DLGAP4: variants seen among roughly 807,000 people sequenced by gnomAD.
DLGAP4 encodes the protein disks large-associated protein 4.
In DLGAP4, 18 loss-of-function variants were observed where a neutral mutation model predicts 86.9. The ratio of observed to expected loss-of-function variants is 0.21; its 90% CI spans 0.14 to 0.31. The LOEUF (loss-of-function observed/expected upper bound fraction) is 0.31, where lower values mean the gene tolerates loss of function less well. Among genes scored for constraint, DLGAP4 ranks in the 10% least tolerant of loss-of-function variants. The pLI, the probability that DLGAP4 is intolerant of heterozygous loss-of-function variation, is 1.00. For missense variants in DLGAP4, 1,085 were observed against 1,362.6 expected (o/e 0.80, Z 3.21); for synonymous variants, 548 against 574.3 (o/e 0.95, Z 0.65).
intron 7 of DLGAP4, among the ~76,000 whole-genome samples, chr20:36,459,315 G>A (rs2033962127): frequency 1.3e-5 from 2 of 152,284 alleles, no homozygotes; most frequent in South Asian, 4.1e-4. Context: ...CTCAAATTTG[G>A]TAAAATACAA....
rs140380651 is a variant in DLGAP4, at chr20:36,432,511, C to G, written c.794C>G (p.Thr265Ser). 390 of 1,613,064 alleles carry G rather than the reference C, an allele frequency of 2.4e-4. 3 individuals carry two copies. The South Asian group carries it at 3.0e-3, about 12-fold the overall frequency. ...ACCAAGAACAACACTACTGAGCTGA[C>G]TGCCCCACCACCCCCGCCCGCACCC... ...KTTKNNTTELTAPPPPPAPPA... is the reference protein window; with the variant it reads ...KTTKNNTTELSAPPPPPAPPA... Residue 265 changes from threonine to serine, a missense_variant, in exon 3 of 13, where the codon ACT (threonine) becomes AGT (serine). Transcript: ENST00000339266. The surrounding 1 kb of genome is among the most constrained non-coding windows in gnomAD (Gnocchi z 6.5).
intron 4 of DLGAP4, 142 bp downstream of exon 4, chr20:36,436,492 T>G: frequency 1.5e-6 from 2 of 1,357,042 alleles, no homozygotes; most frequent in Non-Finnish European, 1.9e-6. Flanking sequence ...CGCCCACTCA[T>G]GAGTCCTGCT....
At chr20:36,342,136 G>A (rs1569463565) in intron 1 of DLGAP4, among the ~76,000 whole-genome samples, 1 of 152,164 alleles carries the variant, frequency 6.6e-6, no homozygotes, top group Non-Finnish European at 1.5e-5. Context: ...TCTCCCCAGC[G>A]AGGGGCCAAA....
chr20:36,351,469 T>C (rs1239346931), intron 1 of DLGAP4, among the ~76,000 whole-genome samples: 1 of 151,872 alleles, frequency 6.6e-6, no homozygotes, highest in Non-Finnish European at 1.5e-5. Flanking sequence ...GAATCTAATA[T>C]CTGATGATCT....
intron 10 of DLGAP4, among the ~76,000 whole-genome samples, chr20:36,504,545 T>C (rs1305279633): frequency 2.0e-5 from 3 of 152,206 alleles, no homozygotes; most frequent in African/African-American, 7.2e-5. Flanking sequence ...GGTAACGCTA[T>C]GTTTAACTTT....
chr20:36,318,419 C>A (rs898037760), intron 1 of DLGAP4, among the ~76,000 whole-genome samples: 1 of 152,318 alleles, frequency 6.6e-6, no homozygotes, highest in East Asian at 1.9e-4. Context: ...GTCTCCCAGG[C>A]TGAAATGCAG....
chr20:36,490,123 G>A (rs1385650661), intron 7 of DLGAP4, among the ~76,000 whole-genome samples: 1 of 152,082 alleles, frequency 6.6e-6, no homozygotes, highest in Non-Finnish European at 1.5e-5. Context: ...CTCTCAAAAC[G>A]TTGGAATTAC....
Position 36,436,102 on chromosome 20 carries a change from T to A in DLGAP4, c.1000-7T>A. On this transcript the variant is annotated splice_polypyrimidine_tract_variant and splice_region_variant and intron_variant, in intron 3 of 12. Transcript: ENST00000339266. ...TGGCCCCACTGAGTCCTGTGCCCCATCCCCAGGTGCCCGGCGGCGGCGGCG... is the reference window on the plus strand; with the variant it reads ...TGGCCCCACTGAGTCCTGTGCCCCAACCCCAGGTGCCCGGCGGCGGCGGCG... 6.4e-7 allele frequency: 1 copy of A among 1,565,930 alleles called. No individual in the cohort carries two copies. Among genetic ancestry groups the A allele is most frequent in the South Asian group, 1.2e-5 (1 of 85,472 alleles).
intron 2 of DLGAP4, among the ~76,000 whole-genome samples, chr20:36,398,547 G>T (rs1027889978): frequency 1.3e-5 from 2 of 152,202 alleles, no homozygotes; most frequent in African/African-American, 2.4e-5. Context: ...TACATCAGGT[G>T]GCAGGAGCTG....
rs1330008078 is a variant in DLGAP4 at position 36,308,697 on chromosome 20, G to A, written c.-304+2185G>A. ...GCCAGCAGTTTCACATGATGGGGAG[G>A]CTCTGAGGAACTGTATCCCGGGCAC... On this transcript the variant is annotated intron_variant, in intron 1 of 12. Transcript: ENST00000339266. This position sits in a 1 kb window ranked among gnomAD's most constrained non-coding sequence, Gnocchi z 4.5. Among the ~76,000 whole-genome samples the A allele has an allele frequency of 6.6e-6, 1 of 152,086 alleles. No homozygotes were observed. Among genetic ancestry groups the A allele is most frequent in the Admixed American group, 6.5e-5 (1 of 15,280 alleles).
chr20:36,340,884 C>T (rs969345438), intron 1 of DLGAP4, among the ~76,000 whole-genome samples: 1 of 152,170 alleles, frequency 6.6e-6, no homozygotes, highest in Non-Finnish European at 1.5e-5. Context: ...AGGCACCACT[C>T]GTAGCTTTGA....
chr20:36,327,160 T>C (rs1171392269), intron 1 of DLGAP4, among the ~76,000 whole-genome samples: 3 of 151,894 alleles, frequency 2.0e-5, no homozygotes, highest in East Asian at 3.9e-4. Context: ...CCATTACACC[T>C]GGCTAGTGTT....
At chr20:36,353,410 C>G (rs564573338) in intron 1 of DLGAP4, among the ~76,000 whole-genome samples, 1 of 152,362 alleles carries the variant, frequency 6.6e-6, no homozygotes, top group South Asian at 2.1e-4. Context: ...CTTCAGTGCC[C>G]AGGTGCGTCT....
At chr20:36,446,665 C>A in intron 6 of DLGAP4, 32 bp from the exon 7 acceptor site, 30 of 1,571,666 alleles carry the variant, frequency 1.9e-5, no homozygotes, top group Non-Finnish European at 2.5e-5. Flanking sequence ...GCAAGATAGC[C>A]AGCTCCCTCA....
At chr20:36,497,290 GCTC>G (rs2035930360) in intron 8 of DLGAP4, 1 of 985,296 alleles carries the variant, frequency 1.0e-6, no homozygotes, top group African/African-American at 1.7e-5. Flanking sequence ...ATGTGTTTCT[GCTC>G]CTCCAGTGGG....
At chr20:36,368,495 G>A (rs190907955) in intron 2 of DLGAP4, among the ~76,000 whole-genome samples, 9 of 152,342 alleles carry the variant, frequency 5.9e-5, no homozygotes, top group East Asian at 1.9e-4. Flanking sequence ...CTGGGGTGGC[G>A]CCAGCCTTAT....
At chr20:36,396,544 C>G (rs2031992628) in intron 2 of DLGAP4, among the ~76,000 whole-genome samples, 2 of 148,132 alleles carry the variant, frequency 1.4e-5, no homozygotes, top group Admixed American at 6.7e-5. Flanking sequence ...CACACGCACA[C>G]ACACACCACA....
intron 10 of DLGAP4, among the ~76,000 whole-genome samples, chr20:36,517,206 C>T (rs1476160851): frequency 6.6e-6 from 1 of 151,696 alleles, no homozygotes; most frequent in Non-Finnish European, 1.5e-5. Context: ...TGATGAAATC[C>T]CGTCTCTACT....
chr20:36,406,994 G>T (rs1194048046), intron 2 of DLGAP4, among the ~76,000 whole-genome samples: 1 of 152,064 alleles, frequency 6.6e-6, no homozygotes, highest in East Asian at 1.9e-4. Context: ...CGGGAAGCCT[G>T]CAGGAGTCCA....
Sources: gnomAD v4.1 joint callset for allele counts (sites outside exome capture counted in the v4.1 genomes callset) on GRCh38, gnomAD v4.1.1 for gene constraint, Gnocchi (gnomAD v3.1) non-coding constraint, MANE v1.5 for transcripts, NCBI Gene and HGNC (gene_info 2026-07-23, HGNC 2026-07-21) for gene names.